NAALADL2: variants seen among roughly 807,000 people sequenced by gnomAD.
NAALADL2 encodes N-acetylated alpha-linked acidic dipeptidase like 2, also known as inactive N-acetylated-alpha-linked acidic dipeptidase-like protein 2.
NAALADL2 carries 76 observed loss-of-function variants against 87.2 expected under a neutral mutation model. The ratio of observed to expected loss-of-function variants is 0.87; its 90% confidence interval spans 0.72 to 1.05. The LOEUF is 1.05. NAALADL2 is among the 50% of genes least tolerant of loss of function. NAALADL2 has a pLI of 0.00. For synonymous variants in NAALADL2, 354 were observed against 331.0 expected (o/e 1.07, Z -0.75); for missense variants, 1,089 against 945.8 (o/e 1.15, Z -1.99).
chr3:175,202,049 ATTTT>A (rs947506653), intron 2 of NAALADL2, among the ~76,000 whole-genome samples: 1 of 147,964 alleles, frequency 6.8e-6, no homozygotes, highest in East Asian at 2.0e-4. Context: ...ATTACTATTT[ATTTT>A]TTTTTTTACA....
At chr3:175,636,731 AG>A (rs1163302928) in intron 11 of NAALADL2, among the ~76,000 whole-genome samples, 3 of 151,742 alleles carry the variant, frequency 2.0e-5, no homozygotes, top group Non-Finnish European at 4.4e-5. Context: ...AAAAGAAAAA[AG>A]CTTCTAGGAA....
At chr3:174,469,880 G>T (rs1037917554) in intron 1 of NAALADL2, among the ~76,000 whole-genome samples, 1 of 152,006 alleles carries the variant, frequency 6.6e-6, no homozygotes, top group Admixed American at 6.6e-5. Context: ...GTTCATCAGA[G>T]TATGTAGATA....
chr3:175,319,512 G>T (rs1247873535), intron 4 of NAALADL2, among the ~76,000 whole-genome samples: 2 of 151,820 alleles, frequency 1.3e-5, no homozygotes, highest in African/African-American at 4.8e-5. Flanking sequence ...ATTTTCTCAG[G>T]GCTCTCCTTT....
intron 1 of NAALADL2, among the ~76,000 whole-genome samples, chr3:175,057,754 G>A (rs937695092): frequency 5.9e-5 from 9 of 152,182 alleles, no homozygotes; most frequent in East Asian, 3.8e-4. Context: ...AATCCAGATC[G>A]TTGGCTGTTA....
intron 2 of NAALADL2, among the ~76,000 whole-genome samples, chr3:175,140,937 A>G (rs1729900408): frequency 6.6e-6 from 1 of 152,156 alleles, no homozygotes; most frequent in South Asian, 2.1e-4. Context: ...GGGGCAAGGA[A>G]TTATGGGGCA....
chr3:174,591,621 C>T (rs925685761), intron 2 of NAALADL2, among the ~76,000 whole-genome samples: 7 of 152,158 alleles, frequency 4.6e-5, no homozygotes, highest in African/African-American at 1.7e-4. Flanking sequence ...TCACCTTGCA[C>T]ACTTAAAGGC....
At chr3:175,621,120 C>T (rs778152775) in intron 10 of NAALADL2, among the ~76,000 whole-genome samples, 1 of 152,058 alleles carries the variant, frequency 6.6e-6, no homozygotes, top group South Asian at 2.1e-4. Context: ...ACGGATTCTA[C>T]GTAAAACCGG....
At chr3:175,283,862 A>T (rs1161191821) in intron 4 of NAALADL2, among the ~76,000 whole-genome samples, 1 of 152,162 alleles carries the variant, frequency 6.6e-6, no homozygotes, top group Non-Finnish European at 1.5e-5. Flanking sequence ...ATTTATCTCT[A>T]TACCAAACGT....
intron 2 of NAALADL2, among the ~76,000 whole-genome samples, chr3:174,725,605 T>C (rs1407662882): frequency 6.6e-6 from 1 of 152,126 alleles, no homozygotes; most frequent in East Asian, 1.9e-4. Context: ...ACTACATGGT[T>C]CAAACTGAAT....
intron 4 of NAALADL2, among the ~76,000 whole-genome samples, chr3:175,285,030 T>G (rs1016169646): frequency 2.0e-5 from 3 of 152,164 alleles, no homozygotes; most frequent in African/African-American, 7.2e-5. Flanking sequence ...GCCTCCCATA[T>G]TATGTGCACC....
intron 9 of NAALADL2, among the ~76,000 whole-genome samples, chr3:175,490,553 G>GTTT (rs74948956): frequency 0.034 from 4,760 of 138,260 alleles, 299 homozygotes; most frequent in African/African-American, 0.12. Context: ...CGCCTGGCTA[G>GTTT]TTTTTTTTTT....
At chr3:175,582,847 C>T (rs1719976761) in intron 10 of NAALADL2, among the ~76,000 whole-genome samples, 1 of 152,222 alleles carries the variant, frequency 6.6e-6, no homozygotes, top group Non-Finnish European at 1.5e-5. Flanking sequence ...ACAATTTCCA[C>T]TCCTTTAAAA....
At chr3:174,562,095 G>T (rs1316974433) in intron 2 of NAALADL2, among the ~76,000 whole-genome samples, 2 of 151,952 alleles carry the variant, frequency 1.3e-5, no homozygotes, top group Non-Finnish European at 2.9e-5. Flanking sequence ...ATTATTTCAT[G>T]CTTAAAATAT....
chr3:175,515,321 A>G (rs1731686747), intron 9 of NAALADL2, among the ~76,000 whole-genome samples: 1 of 152,210 alleles, frequency 6.6e-6, no homozygotes, highest in South Asian at 2.1e-4. Flanking sequence ...AGTCTTGCTC[A>G]TGACTCCTCT....
chr3:175,177,039 T>C (rs1260744606), intron 2 of NAALADL2, among the ~76,000 whole-genome samples: 1 of 152,090 alleles, frequency 6.6e-6, no homozygotes, highest in African/African-American at 2.4e-5. Context: ...AGTTTAATTA[T>C]AAAGTAGATT....
intron 13 of NAALADL2, among the ~76,000 whole-genome samples, chr3:175,788,561 G>C (rs981664224): frequency 6.6e-6 from 1 of 152,138 alleles, no homozygotes; most frequent in South Asian, 2.1e-4. Context: ...ATGAAGCCTA[G>C]GTGTGTAGTA....
chr3:175,374,384 T>C (rs1318167664), intron 5 of NAALADL2, among the ~76,000 whole-genome samples: 1 of 151,166 alleles, frequency 6.6e-6, no homozygotes, highest in East Asian at 1.9e-4. Flanking sequence ...TGAGACCTTG[T>C]CTCTTCTAAA....
intron 1 of NAALADL2, among the ~76,000 whole-genome samples, chr3:175,025,743 A>T (rs115954960): frequency 6.6e-6 from 1 of 152,084 alleles, no homozygotes; most frequent in African/African-American, 2.4e-5. Context: ...AAAAATACAA[A>T]TATGTATTCA....
intron 5 of NAALADL2, among the ~76,000 whole-genome samples, chr3:175,357,624 A>G (rs1300503112): frequency 2.0e-5 from 3 of 152,162 alleles, no homozygotes; most frequent in Non-Finnish European, 4.4e-5. Flanking sequence ...TTCTAATACA[A>G]TATATGCAAC....
Sources: gnomAD v4.1 joint callset for allele counts (sites outside exome capture counted in the v4.1 genomes callset) on GRCh38, gnomAD v4.1.1 for gene constraint, MANE v1.5 for transcripts, NCBI Gene and HGNC (gene_info 2026-07-23, HGNC 2026-07-21) for gene names.